BEND3: variants seen among roughly 807,000 people sequenced by gnomAD.
BEND3 encodes the protein BEN domain-containing protein 3.
BEND3 carries 13 observed loss-of-function variants against 60.1 expected under a neutral mutation model. The ratio of observed to expected loss-of-function variants is 0.22; its 90% confidence interval spans 0.14 to 0.34. BEND3 has a LOEUF of 0.34. Ranked by LOEUF, BEND3 falls within the 10% of genes least tolerant of loss-of-function variation. BEND3 has a pLI of 1.00. For synonymous variants in BEND3, 497 were observed against 491.5 expected (o/e 1.01, Z -0.15); for missense variants, 896 against 1,138.1 (o/e 0.79, Z 3.06).
chr6:107,079,953 A>C lies in BEND3; in HGVS notation c.241-9003T>G, dbSNP rs150672624. 8.2e-3 allele frequency among the ~76,000 whole-genome samples: 1,214 copies of C among 147,880 alleles called. 20 individuals carry two copies. The highest frequency in any genetic ancestry group is 0.029 in the African/African-American group (1,157 of 40,090). On this transcript the variant is annotated intron_variant, in intron 3 of 3. Coordinates refer to ENST00000369042, the MANE Select transcript of BEND3 (RefSeq NM_001367314.1). ...ACTATGTTGCCCAGGCTGGTCTTGA[A>C]CTCCTGAGCTCAAGTGATCCTCCCG...
chr6:107,095,077 C>A (rs1775557273), intron 3 of BEND3, among the ~76,000 whole-genome samples: 2 of 152,048 alleles, frequency 1.3e-5, no homozygotes, highest in African/African-American at 4.8e-5. Flanking sequence ...CCTGCCTCAG[C>A]CTCCCAAGAT....
In BEND3 at chr6:107,066,641, G is replaced by A. The variant is rs577265553; in HGVS notation, c.*2063C>T. 6.6e-6 allele frequency: 1 copy of A among 152,658 alleles called. No individual in the cohort carries two copies. The highest frequency in any genetic ancestry group is 2.1e-4 in the South Asian group (1 of 4,820). The allele number at this position is 152,658 out of a possible 1,614,324, so 9.5% of individuals were successfully genotyped here. On this transcript the variant is annotated 3_prime_UTR_variant, in exon 4 of 4. Coordinates refer to ENST00000369042, the MANE Select transcript of BEND3 (RefSeq NM_001367314.1). ...AGAAAGCAGGGCAATTCATGGCTTGGAGTCCTCGTTTACATCCTAGAAACC... is the reference window on the plus strand; with the variant it reads ...AGAAAGCAGGGCAATTCATGGCTTGAAGTCCTCGTTTACATCCTAGAAACC...
At chr6:107,099,846 C>T (rs1359723180) in intron 1 of BEND3, among the ~76,000 whole-genome samples, 2 of 149,864 alleles carry the variant, frequency 1.3e-5, no homozygotes, top group African/African-American at 4.9e-5. Flanking sequence ...GACTTAGTAA[C>T]AGAAATGCAA....
chr6:107,102,140 G>T (rs1775713748), intron 1 of BEND3, among the ~76,000 whole-genome samples: 1 of 152,104 alleles, frequency 6.6e-6, no homozygotes, highest in Non-Finnish European at 1.5e-5. Flanking sequence ...GTCGATGAGA[G>T]AACACAGCAG....
At chr6:107,104,678 A>ATT (rs781882799) in intron 1 of BEND3, among the ~76,000 whole-genome samples, 2 of 141,416 alleles carry the variant, frequency 1.4e-5, no homozygotes, top group East Asian at 2.1e-4. Flanking sequence ...TTTCTTTTGG[A>ATT]TTTTTTTTTT....
At chr6:107,108,949 C>A (rs934659350) in intron 1 of BEND3, among the ~76,000 whole-genome samples, 2 of 152,122 alleles carry the variant, frequency 1.3e-5, no homozygotes, top group Non-Finnish European at 2.9e-5. Flanking sequence ...GGACAACAGT[C>A]ATGTGCCACC....
intron 3 of BEND3, among the ~76,000 whole-genome samples, chr6:107,097,501 T>C (rs1193036969): frequency 2.0e-5 from 3 of 150,404 alleles, no homozygotes; most frequent in Non-Finnish European, 4.4e-5. Context: ...AATAAAAGTA[T>C]CACTCATGGC....
intron 2 of BEND3, 76 bp downstream of exon 2, chr6:107,099,173 T>C: frequency 8.3e-7 from 1 of 1,212,100 alleles, no homozygotes; most frequent in East Asian, 2.3e-5. Context: ...TGTATATTTT[T>C]GGACCATGTG....
intron 1 of BEND3, among the ~76,000 whole-genome samples, chr6:107,114,812 G>A (rs1344360370): frequency 7.5e-5 from 11 of 147,428 alleles, no homozygotes; most frequent in Non-Finnish European, 1.7e-4. Flanking sequence ...TCCCCAGAAC[G>A]CCATGGAGCC....
intron 3 of BEND3, among the ~76,000 whole-genome samples, chr6:107,078,520 T>A (rs1199555781): frequency 6.8e-6 from 1 of 146,790 alleles, no homozygotes. Flanking sequence ...AGTGGTGCAA[T>A]CTCGGCTCAC....
chr6:107,095,028 G>A (rs1305497224), intron 3 of BEND3, among the ~76,000 whole-genome samples: 2 of 151,824 alleles, frequency 1.3e-5, no homozygotes, highest in Non-Finnish European at 2.9e-5. Flanking sequence ...TTGCCATATT[G>A]CCCAGGCTGA....
intron 1 of BEND3, among the ~76,000 whole-genome samples, chr6:107,112,709 C>T (rs953103330): frequency 5.3e-5 from 8 of 151,910 alleles, no homozygotes; most frequent in African/African-American, 1.9e-4. Context: ...CAAAACTAGC[C>T]GGGCATGGTG....
chr6:107,080,354 C>T (rs1451479683), intron 3 of BEND3, among the ~76,000 whole-genome samples: 1 of 83,272 alleles, frequency 1.2e-5, no homozygotes, highest in African/African-American at 4.7e-5. Context: ...GATCCCATCT[C>T]AAAAAAAAAA....
At chr6:107,103,093 C>T (rs1345411347) in intron 1 of BEND3, among the ~76,000 whole-genome samples, 2 of 152,198 alleles carry the variant, frequency 1.3e-5, no homozygotes, top group Non-Finnish European at 2.9e-5. Context: ...CCTTCTGCCT[C>T]CATTAGCACT....
chr6:107,079,213 G>C (rs1775170844), intron 3 of BEND3, among the ~76,000 whole-genome samples: 1 of 152,190 alleles, frequency 6.6e-6, no homozygotes, highest in African/African-American at 2.4e-5. Context: ...AGGGGCAGTA[G>C]GAGGAGGGCC....
intron 3 of BEND3, among the ~76,000 whole-genome samples, chr6:107,094,806 C>G (rs2115022810): frequency 7.0e-6 from 1 of 142,894 alleles, no homozygotes; most frequent in African/African-American, 2.6e-5. Context: ...AGTGAGCTGA[C>G]TATGTCACTG....
At position 107,066,975 on chromosome 6, in the gene BEND3, G is replaced by C. The variant is rs1442111522; in HGVS notation, c.*1729C>G. On this transcript the variant is annotated 3_prime_UTR_variant, in exon 4 of 4. Transcript: ENST00000369042. ...TGCATGAGTAGCTGTGTAAGACAGA[G>C]AGTCATTCAGTCCCTGTGCCTTTCT... is the stretch of plus-strand genomic sequence containing the variant. 2.0e-5 allele frequency: 3 copies of C among 152,220 alleles called. No individual in the cohort carries two copies. Among genetic ancestry groups the C allele is most frequent in the African/African-American group, 7.2e-5 (3 of 41,436 alleles). The allele number at this position is 152,220 out of a possible 1,614,324, so 9.4% of individuals were successfully genotyped here. A position where few individuals can be genotyped will look rare whatever the true frequency, so the allele number is the denominator to read the frequency against.
intron 3 of BEND3, among the ~76,000 whole-genome samples, chr6:107,094,906 G>A (rs549280961): frequency 1.3e-4 from 18 of 143,232 alleles, no homozygotes; most frequent in East Asian, 6.5e-4. Context: ...CGGCAGCCCC[G>A]ACCTCCCAGG....
At chr6:107,097,886 A>G (rs1775620980) in intron 3 of BEND3, among the ~76,000 whole-genome samples, 1 of 152,130 alleles carries the variant, frequency 6.6e-6, no homozygotes, top group African/African-American at 2.4e-5. Context: ...TGTATATTTA[A>G]ATCTTGGTTA....
Sources: allele counts gnomAD v4.1 joint callset (sites outside exome capture counted in the v4.1 genomes callset), GRCh38; gene constraint gnomAD v4.1.1; transcripts MANE v1.5; gene names NCBI Gene and HGNC (gene_info 2026-07-23, HGNC 2026-07-21).